The following MDGA2 variants were observed in gnomAD, a reference collection of about 807,000 sequenced individuals.
MDGA2 encodes the protein MAM domain containing glycosylphosphatidylinositol anchor 2.
In MDGA2, 40 loss-of-function variants were observed where a neutral mutation model predicts 117.8. That is an observed-to-expected ratio of 0.34 (90% confidence interval 0.26 to 0.44). The LOEUF is 0.44. MDGA2 is among the 20% of genes least tolerant of loss of function. The pLI, the probability that MDGA2 is intolerant of heterozygous loss-of-function variation, is 1.00. For missense variants in MDGA2, 1,123 were observed against 1,250.6 expected (o/e 0.90, Z 1.54); for synonymous variants, 452 against 439.0 (o/e 1.03, Z -0.37).
chr14:46,874,143 G>A lies in MDGA2; in HGVS notation c.2495C>T (p.Thr832Ile). 6.5e-7 allele frequency: 1 copy of A among 1,533,698 alleles called. No homozygotes were observed. Among genetic ancestry groups the A allele is most frequent in the Non-Finnish European group, 8.8e-7 (1 of 1,140,538 alleles). ...GNICLFTQDDTDNFDWTKQST... is the reference protein window; with the variant it reads ...GNICLFTQDDIDNFDWTKQST... The stretch of plus-strand genomic sequence containing the variant: ...TTGCTTTGTCCAGTCAAAATTATCT[G>A]TATCATCTTGAGTGAACAAACAAAT... Residue 832 changes from threonine to isoleucine, a missense_variant, in exon 13 of 17, where the codon ACA becomes ATA. By Grantham distance (89) the Thr-to-Ile change is moderately conservative (BLOSUM62 -1). Around this residue, in one of 2 missense-constraint regions of MDGA2, gnomAD observed 890 missense variants for 1,050.3 expected, o/e 0.85. Transcript: ENST00000399232.
intron 3 of MDGA2, among the ~76,000 whole-genome samples, chr14:47,154,646 A>G (rs1318729437): frequency 6.6e-6 from 1 of 150,452 alleles, no homozygotes; most frequent in Non-Finnish European, 1.5e-5. Context: ...GGTGTGTATG[A>G]TGCTAGGGTC....
At chr14:47,460,009 T>C (rs1594868251) in intron 1 of MDGA2, among the ~76,000 whole-genome samples, 1 of 152,178 alleles carries the variant, frequency 6.6e-6, no homozygotes. Flanking sequence ...GTAGTGGCTG[T>C]CTACCTTAAT....
chr14:47,034,765 C>G (rs1299887949), intron 8 of MDGA2, among the ~76,000 whole-genome samples: 1 of 119,778 alleles, frequency 8.3e-6, no homozygotes, highest in East Asian at 2.5e-4. Flanking sequence ...CACACACACA[C>G]ACACTAAAAC....
In MDGA2 at chr14:47,051,199, T is replaced by C. The variant is rs149871180; in HGVS notation, c.1525+10050A>G. ...CAGGTGGAAGTGAACACAGTATATA[T>C]GCTTCTGGGGTCTATTTCCTTCTCT... On this transcript the variant is annotated intron_variant, in intron 7 of 16. Coordinates refer to ENST00000399232, the MANE Select transcript of MDGA2 (RefSeq NM_001113498.3). 3.3e-5 allele frequency among the ~76,000 whole-genome samples: 5 copies of C among 152,044 alleles called. No homozygotes were observed. In the East Asian group the frequency reaches 7.7e-4, roughly 24 times the overall value.
At chr14:47,446,645 T>C in intron 1 of MDGA2, among the ~76,000 whole-genome samples, 1 of 151,972 alleles carries the variant, frequency 6.6e-6, no homozygotes, top group East Asian at 1.9e-4. Flanking sequence ...GAAGTTTACA[T>C]AACGTTCAAA....
intron 1 of MDGA2, among the ~76,000 whole-genome samples, chr14:47,322,313 A>C: frequency 6.6e-6 from 1 of 152,178 alleles, no homozygotes; most frequent in African/African-American, 2.4e-5. Context: ...CTTCTTTAAT[A>C]GGTATTCTAC....
At chr14:47,365,589 A>T (rs1259612804) in intron 1 of MDGA2, among the ~76,000 whole-genome samples, 1 of 152,238 alleles carries the variant, frequency 6.6e-6, no homozygotes, top group Non-Finnish European at 1.5e-5. Flanking sequence ...AGGAAATAAT[A>T]TTCTCATTTT....
intron 1 of MDGA2, among the ~76,000 whole-genome samples, chr14:47,313,688 T>A (rs947525763): frequency 4.6e-4 from 70 of 152,336 alleles, no homozygotes; most frequent in Non-Finnish European, 5.9e-5. Context: ...TTCAATAATT[T>A]GTTTTTGCCT....
At chr14:46,904,701 C>T (rs1243219200) in intron 10 of MDGA2, among the ~76,000 whole-genome samples, 2 of 152,116 alleles carry the variant, frequency 1.3e-5, no homozygotes, top group Non-Finnish European at 2.9e-5. Context: ...AATGTGTTCC[C>T]GTGTTCATAG....
At chr14:47,614,257 T>A (rs948775177) in intron 1 of MDGA2, among the ~76,000 whole-genome samples, 1 of 151,866 alleles carries the variant, frequency 6.6e-6, no homozygotes, top group African/African-American at 2.4e-5. Flanking sequence ...GTTGCGCTAA[T>A]TTTTTTATTT....
At chr14:47,189,159 G>A (rs1885018799) in intron 3 of MDGA2, among the ~76,000 whole-genome samples, 1 of 151,996 alleles carries the variant, frequency 6.6e-6, no homozygotes, top group African/African-American at 2.4e-5. Context: ...CTATCCTGTG[G>A]CACACATTCT....
intron 1 of MDGA2, among the ~76,000 whole-genome samples, chr14:47,417,116 T>G (rs897449436): frequency 6.6e-6 from 1 of 152,226 alleles, no homozygotes; most frequent in Admixed American, 6.5e-5. Context: ...TAATCTTATC[T>G]GTGCTTTCTC....
At chr14:47,354,595 C>A (rs1318033097) in intron 1 of MDGA2, among the ~76,000 whole-genome samples, 1 of 152,200 alleles carries the variant, frequency 6.6e-6, no homozygotes, top group African/African-American at 2.4e-5. Flanking sequence ...TGATAACCAG[C>A]CTCATGAAAG....
At chr14:47,286,030 C>CTGTG (rs151238015) in intron 2 of MDGA2, among the ~76,000 whole-genome samples, 1 of 150,160 alleles carries the variant, frequency 6.7e-6, no homozygotes, top group African/African-American at 2.4e-5. Flanking sequence ...TATTGTGTGT[C>CTGTG]TGTGTGTGTG....
At chr14:47,259,391 A>T (rs1008926726) in intron 2 of MDGA2, among the ~76,000 whole-genome samples, 2 of 152,130 alleles carry the variant, frequency 1.3e-5, no homozygotes, top group African/African-American at 4.8e-5. Flanking sequence ...AAAAATAACC[A>T]ATCCTATAAA....
At chr14:47,602,381 C>G (rs2138882061) in intron 1 of MDGA2, among the ~76,000 whole-genome samples, 1 of 152,172 alleles carries the variant, frequency 6.6e-6, no homozygotes, top group South Asian at 2.1e-4. Context: ...AGCATTAACT[C>G]TGATCAGATG....
intron 1 of MDGA2, among the ~76,000 whole-genome samples, chr14:47,600,847 T>G (rs1354420227): frequency 6.6e-6 from 1 of 152,110 alleles, no homozygotes; most frequent in African/African-American, 2.4e-5. Flanking sequence ...ATGAAAAAAG[T>G]AATGTTAGCC....
At chr14:47,123,270 G>T (rs1881740224) in intron 5 of MDGA2, among the ~76,000 whole-genome samples, 1 of 151,960 alleles carries the variant, frequency 6.6e-6, no homozygotes, top group Non-Finnish European at 1.5e-5. Context: ...ACAACAAAAT[G>T]CACCAATGTA....
At chr14:47,495,363 C>T (rs1439218049) in intron 1 of MDGA2, among the ~76,000 whole-genome samples, 1 of 151,684 alleles carries the variant, frequency 6.6e-6, no homozygotes, top group South Asian at 2.1e-4. Context: ...TTTACCATTA[C>T]ACAATACATC....
Sources: gnomAD v4.1 joint callset for allele counts (sites outside exome capture counted in the v4.1 genomes callset) on GRCh38, gnomAD v4.1.1 for gene constraint, gnomAD v4.1.1 regional missense constraint, MANE v1.5 for transcripts, NCBI Gene and HGNC (gene_info 2026-07-23, HGNC 2026-07-21) for gene names.